The following ENPP1 variants were observed in gnomAD, a reference collection of about 807,000 sequenced individuals.
The protein encoded by ENPP1 is ectonucleotide pyrophosphatase/phosphodiesterase family member 1.
In ENPP1, 73 loss-of-function variants were observed where a neutral mutation model predicts 122.8. That is an observed-to-expected ratio of 0.59 (90% CI 0.49 to 0.72). The LOEUF (loss-of-function observed/expected upper bound fraction) is 0.72. Among genes scored for constraint, ENPP1 ranks in the 30% least tolerant of loss-of-function variants. ENPP1 has a pLI of 0.00. For synonymous variants in ENPP1, 367 were observed against 391.6 expected, an observed-to-expected ratio of 0.94 and a Z score of 0.74; for missense variants, 978 against 1,128.1, an observed-to-expected ratio of 0.87 and a Z score of 1.91.
At chr6:131,871,712 G>A (rs755312151) in intron 13 of ENPP1, among the ~76,000 whole-genome samples, 1 of 152,156 alleles carries the variant, frequency 6.6e-6, no homozygotes, top group East Asian at 1.9e-4. Flanking sequence ...ATATTTTGAG[G>A]GATGGATGGA....
rs546032693 is a variant in ENPP1 at position 131,884,940 on chromosome 6, G to A, written c.2321G>A (p.Arg774His). 4.1e-5 allele frequency: 66 copies of A among 1,613,956 alleles called. No individual in the cohort carries two copies. The highest frequency in any genetic ancestry group is 1.5e-4 in the Admixed American group (9 of 60,012). Residue 774 changes from arginine to histidine, a missense_variant, in exon 23 of 25, where the codon CGC becomes CAC. This residue lies in a region of ENPP1 where 644 missense variants were observed against 781.5 expected (regional missense o/e 0.82). Coordinates refer to ENST00000647893, the MANE Select transcript of ENPP1 (RefSeq NM_006208.3). ...TTCTATCTTGTTTCAGTTATATGGC[G>A]CTACTTTCATGACACCCTACTGCGA... Reference protein sequence around the residue: ...PMYQSFQVIWRYFHDTLLRKY... With the variant: ...PMYQSFQVIWHYFHDTLLRKY...
intron 1 of ENPP1, among the ~76,000 whole-genome samples, chr6:131,836,415 A>T (rs1331511274): frequency 1.3e-5 from 2 of 150,530 alleles, no homozygotes; most frequent in African/African-American, 2.4e-5. Context: ...CACCCAGCCG[A>T]GTGTGTGTGT....
At chr6:131,856,274 G>A (rs1178358848) in intron 6 of ENPP1, among the ~76,000 whole-genome samples, 1 of 151,868 alleles carries the variant, frequency 6.6e-6, no homozygotes, top group Non-Finnish European at 1.5e-5. Flanking sequence ...TTTTTTGGCT[G>A]CATAAATGTC....
rs553929139 is a variant in ENPP1, at chr6:131,808,155, C to G, written c.120C>G (p.Pro40=). Reference sequence around the variant, plus strand: ...GCCGCAGCCACGCTGCCGAGGCGCCCGGGGACCCGCAGGCGGCCGCGTCCT... The same window carrying G: ...GCCGCAGCCACGCTGCCGAGGCGCCGGGGGACCCGCAGGCGGCCGCGTCCT... ...DRGRSHAAEA[P]GDPQAAASLL... is the part of the protein sequence containing the mutation. The change falls in exon 1 of 25, where the codon CCC becomes CCG. Residue 40 remains proline, a synonymous_variant. Coordinates refer to ENST00000647893, the MANE Select transcript of ENPP1 (RefSeq NM_006208.3). 9.0e-6 allele frequency: 13 copies of G among 1,448,682 alleles called. No homozygotes were observed. The highest frequency in any genetic ancestry group is 1.2e-5 in the Non-Finnish European group (13 of 1,095,106). The allele number at this position is 1,448,682 out of a possible 1,614,324, so 89.7% of individuals were successfully genotyped here. A position where few individuals can be genotyped will look rare whatever the true frequency, so the allele number is the denominator to read the frequency against.
intron 14 of ENPP1, 137 bp downstream of exon 14, chr6:131,872,238 G>T: frequency 1.5e-6 from 1 of 668,676 alleles, no homozygotes; most frequent in African/African-American, 1.8e-5. Context: ...GAAATGCTGT[G>T]TAGTTTAAAG....
chr6:131,823,722 T>A (rs1019537338), intron 1 of ENPP1, among the ~76,000 whole-genome samples: 1 of 151,782 alleles, frequency 6.6e-6, no homozygotes, highest in Non-Finnish European at 1.5e-5. Context: ...ACTCAATTGC[T>A]ACTGGATCCT....
At chr6:131,810,010 A>G (rs901124637) in intron 1 of ENPP1, among the ~76,000 whole-genome samples, 1 of 152,146 alleles carries the variant, frequency 6.6e-6, no homozygotes, top group Non-Finnish European at 1.5e-5. Flanking sequence ...TTGAATTGGA[A>G]AGAATTCTTA....
chr6:131,890,588 T>C lies in ENPP1; in HGVS notation c.*77T>C. 1 of 1,276,882 alleles carries C rather than the reference T, an allele frequency of 7.8e-7. No individual in the cohort carries two copies. The highest frequency in any genetic ancestry group is 1.1e-6 in the Non-Finnish European group (1 of 876,374). The allele number at this position is 1,276,882 out of a possible 1,614,324, so 79.1% of individuals were successfully genotyped here. ...TTATATAGTCCTCTAGCTACACTAT[T>C]GCATTGTTCAGAAACTGTCGACCAG... On this transcript the variant is annotated 3_prime_UTR_variant, in exon 25 of 25. Coordinates refer to ENST00000647893, the MANE Select transcript of ENPP1 (RefSeq NM_006208.3).
At chr6:131,817,786 C>T (rs1181453826) in intron 1 of ENPP1, among the ~76,000 whole-genome samples, 4 of 148,788 alleles carry the variant, frequency 2.7e-5, no homozygotes, top group South Asian at 2.1e-4. Context: ...CACACACACA[C>T]GTGTGTATGT....
intron 1 of ENPP1, among the ~76,000 whole-genome samples, chr6:131,818,934 C>T (rs1306110392): frequency 6.6e-6 from 1 of 152,112 alleles, no homozygotes; most frequent in Non-Finnish European, 1.5e-5. Flanking sequence ...GTTAGCTTGT[C>T]CCTTCAAGGA....
chr6:131,875,388 GATA>G (rs1782216305), intron 16 of ENPP1, among the ~76,000 whole-genome samples: 1 of 152,012 alleles, frequency 6.6e-6, no homozygotes, highest in African/African-American at 2.4e-5. Flanking sequence ...TTCTGAGAAG[GATA>G]ATATCTTACA....
chr6:131,822,230 G>T (rs1781492398), intron 1 of ENPP1, among the ~76,000 whole-genome samples: 1 of 152,138 alleles, frequency 6.6e-6, no homozygotes, highest in Non-Finnish European at 1.5e-5. Flanking sequence ...AACTTTCAAA[G>T]AAAAAGAATA....
At chr6:131,828,028 C>T in intron 1 of ENPP1, 4 of 676,100 alleles carry the variant, frequency 5.9e-6, no homozygotes, top group South Asian at 5.4e-5. Context: ...CTGCAAAGAA[C>T]AGTGTGTGCA....
Position 131,886,701 on chromosome 6 carries a change from A to T in ENPP1, c.2584A>T (p.Thr862Ser). 1.2e-6 allele frequency: 2 copies of T among 1,613,886 alleles called. No homozygotes were observed. Among genetic ancestry groups the T allele is most frequent in the Non-Finnish European group, 1.7e-6 (2 of 1,179,954 alleles). ...DTLAFILPHR[T>S]DNSESCVHGK... is the part of the protein sequence containing the mutation. ...CTTAGCTTTCATTTTGCCTCACAGG[A>T]CTGATAACAGCGAGAGCTGTGTGGT... The change falls in exon 24 of 25, where the codon ACT (threonine) becomes TCT (serine). Residue 862 changes from threonine (T) to serine (S), a missense_variant. By Grantham distance (58) the Thr-to-Ser change is moderately conservative (BLOSUM62 1). Coordinates refer to ENST00000647893, the MANE Select transcript of ENPP1 (RefSeq NM_006208.3).
At chr6:131,848,166 C>T (rs1170720553) in intron 2 of ENPP1, among the ~76,000 whole-genome samples, 1 of 152,072 alleles carries the variant, frequency 6.6e-6, no homozygotes, top group Non-Finnish European at 1.5e-5. Context: ...GCTGAAGCAA[C>T]CCTGTAGGTT....
intron 1 of ENPP1, among the ~76,000 whole-genome samples, chr6:131,809,040 T>C (rs769795673): frequency 1.3e-5 from 2 of 152,124 alleles, no homozygotes; most frequent in African/African-American, 2.4e-5. Context: ...CTGGCTGTTA[T>C]TATTTGCTGA....
rs1782070464 is a variant in ENPP1 at position 131,864,901 on chromosome 6, AT to A, written c.1129del (p.Ser377LeufsTer27). 1 of 1,606,254 alleles carries A rather than the reference AT, an allele frequency of 6.2e-7. No homozygotes were observed. The highest frequency in any genetic ancestry group is 8.5e-7 in the Non-Finnish European group (1 of 1,173,072). On this transcript the variant is annotated frameshift_variant, in exon 11 of 25. Coordinates refer to ENST00000647893, the MANE Select transcript of ENPP1 (RefSeq NM_006208.3). LOFTEE classifies it high-confidence loss of function. ...TACACTCTGTATTTAGAAGAACCAG[AT>A]TCTTCAGGTCATTCATATGGACCAG... ...HFYTLYLEEP[D>X]SSGHSYGPVS...
intron 24 of ENPP1, among the ~76,000 whole-genome samples, chr6:131,887,576 T>TTTTTTAGA (rs1782398662): frequency 6.8e-6 from 1 of 146,044 alleles, no homozygotes; most frequent in Non-Finnish European, 1.5e-5. Flanking sequence ...TTTTTTTTTT[T>TTTTTTAGA]GAGACAGAGT....
At chr6:131,813,829 G>T (rs1781385335) in intron 1 of ENPP1, among the ~76,000 whole-genome samples, 1 of 152,100 alleles carries the variant, frequency 6.6e-6, no homozygotes. Flanking sequence ...CAGAGAGTGG[G>T]TCCACTCAGT....
Sources: gnomAD v4.1 joint callset for allele counts (sites outside exome capture counted in the v4.1 genomes callset) on GRCh38, gnomAD v4.1.1 for gene constraint, gnomAD v4.1.1 regional missense constraint, MANE v1.5 for transcripts, NCBI Gene and HGNC (gene_info 2026-07-23, HGNC 2026-07-21) for gene names.